Variants in PTPRD observed in about 807,000 individuals in gnomAD.
PTPRD encodes receptor-type tyrosine-protein phosphatase delta.
In PTPRD, 34 loss-of-function variants were observed where a neutral mutation model predicts 214.5. The ratio of observed to expected loss-of-function variants is 0.16; its 90% CI spans 0.12 to 0.21. PTPRD has a LOEUF of 0.21. Ranked by LOEUF, PTPRD falls within the 10% of genes least tolerant of loss-of-function variation. The probability of loss-of-function intolerance (pLI) is 1.00; values close to 1 mark genes in which losing one functional copy is unlikely to be tolerated. For synonymous variants in PTPRD, 1,128 were observed against 845.7 expected (o/e 1.33, Z -5.79); for missense variants, 2,545 against 2,398.7 (o/e 1.06, Z -1.27).
At chr9:8,424,005 A>C (rs571485891) in intron 35 of PTPRD, among the ~76,000 whole-genome samples, 2 of 152,192 alleles carry the variant, frequency 1.3e-5, no homozygotes, top group Admixed American at 1.3e-4. Flanking sequence ...TAATCCTTTC[A>C]TCATCTTCAA....
chr9:10,128,839 G>A (rs1377623560), intron 3 of PTPRD, among the ~76,000 whole-genome samples: 1 of 151,966 alleles, frequency 6.6e-6, no homozygotes, highest in East Asian at 1.9e-4. Flanking sequence ...AAGTCACCTG[G>A]GAGATATTAC....
At chr9:8,764,720 G>A (rs993734411) in intron 11 of PTPRD, among the ~76,000 whole-genome samples, 28 of 151,754 alleles carry the variant, frequency 1.8e-4, no homozygotes, top group African/African-American at 5.8e-4. Context: ...GTTTGAACCC[G>A]GGAGCTGGAG....
intron 43 of PTPRD, among the ~76,000 whole-genome samples, chr9:8,334,079 C>A (rs2131853419): frequency 1.3e-5 from 2 of 152,232 alleles, no homozygotes; most frequent in Admixed American, 1.3e-4. Context: ...GACTCCCACA[C>A]AATAATAATA....
intron 3 of PTPRD, among the ~76,000 whole-genome samples, chr9:10,245,369 G>C (rs1000338031): frequency 6.6e-6 from 1 of 152,078 alleles, no homozygotes; most frequent in Non-Finnish European, 1.5e-5. Flanking sequence ...ATAATTAAGA[G>C]TATTTAATCA....
intron 2 of PTPRD, among the ~76,000 whole-genome samples, 187 bp downstream of exon 2, chr9:10,612,211 A>AAAAC (rs2081204773): frequency 6.7e-6 from 1 of 148,466 alleles, no homozygotes; most frequent in African/African-American, 2.5e-5. Context: ...GCTCTTCCAA[A>AAAAC]AAAAAAAAAA....
intron 2 of PTPRD, among the ~76,000 whole-genome samples, chr9:10,572,161 T>C (rs1388311842): frequency 6.6e-6 from 1 of 152,174 alleles, no homozygotes; most frequent in Non-Finnish European, 1.5e-5. Flanking sequence ...TAAGAACTCA[T>C]GTACCTGCAT....
chr9:8,421,697 A>T (rs777654218), intron 35 of PTPRD, among the ~76,000 whole-genome samples: 9 of 152,134 alleles, frequency 5.9e-5, no homozygotes, highest in Non-Finnish European at 1.2e-4. Flanking sequence ...CAGTGCCCTT[A>T]GTTTCCCTCC....
At chr9:9,839,941 T>G (rs546542234) in intron 5 of PTPRD, among the ~76,000 whole-genome samples, 2 of 152,070 alleles carry the variant, frequency 1.3e-5, no homozygotes, top group Admixed American at 6.6e-5. Flanking sequence ...AGTTGAAAAT[T>G]TGTATATATA....
chr9:8,677,136 A>T (rs757692984), intron 12 of PTPRD, among the ~76,000 whole-genome samples: 1 of 152,228 alleles, frequency 6.6e-6, no homozygotes, highest in Admixed American at 6.5e-5. Flanking sequence ...GAAACACAGA[A>T]CTGATTTTCA....
At chr9:9,534,235 T>C (rs1218311139) in intron 8 of PTPRD, among the ~76,000 whole-genome samples, 2 of 152,148 alleles carry the variant, frequency 1.3e-5, no homozygotes, top group Admixed American at 6.5e-5. Flanking sequence ...AGAAATATTA[T>C]AGATATTCTT....
chr9:8,700,356 G>A (rs2098047330), intron 12 of PTPRD, among the ~76,000 whole-genome samples: 1 of 152,130 alleles, frequency 6.6e-6, no homozygotes, highest in Non-Finnish European at 1.5e-5. Flanking sequence ...TTCCATTTCA[G>A]AACTTTCACA....
At chr9:8,353,222 G>C (rs1010453151) in intron 39 of PTPRD, among the ~76,000 whole-genome samples, 1 of 152,082 alleles carries the variant, frequency 6.6e-6, no homozygotes, top group Admixed American at 6.6e-5. Flanking sequence ...CCTTTTGTTT[G>C]ACTCCTGCAA....
intron 8 of PTPRD, among the ~76,000 whole-genome samples, chr9:9,554,456 T>TAAC (rs1167500472): frequency 6.6e-6 from 1 of 151,916 alleles, no homozygotes; most frequent in African/African-American, 2.4e-5. Flanking sequence ...CACTGGGAGC[T>TAAC]ATTTAGAAAA....
intron 14 of PTPRD, among the ~76,000 whole-genome samples, chr9:8,623,065 C>G (rs1333814915): frequency 6.6e-6 from 1 of 151,850 alleles, no homozygotes; most frequent in Non-Finnish European, 1.5e-5. Context: ...GTGGGAAGAT[C>G]CCTTGAACAT....
intron 2 of PTPRD, among the ~76,000 whole-genome samples, chr9:10,357,913 C>A (rs10959070): frequency 0.24 from 37,058 of 151,958 alleles, 4,635 homozygotes; most frequent in African/African-American, 0.3. Flanking sequence ...AATCAGATGG[C>A]TATTCCAAGC....
intron 12 of PTPRD, among the ~76,000 whole-genome samples, chr9:8,705,421 T>C (rs374314358): frequency 2.0e-5 from 3 of 152,306 alleles, no homozygotes; most frequent in South Asian, 4.1e-4. Flanking sequence ...AACAAAAGTA[T>C]TCTATAATTT....
intron 9 of PTPRD, among the ~76,000 whole-genome samples, chr9:9,210,238 C>A (rs1441042139): frequency 6.6e-6 from 1 of 152,104 alleles, no homozygotes; most frequent in African/African-American, 2.4e-5. Flanking sequence ...AGAGAATTAT[C>A]TCCACAAATA....
intron 3 of PTPRD, among the ~76,000 whole-genome samples, chr9:10,049,109 A>G (rs1405354327): frequency 6.6e-6 from 1 of 152,164 alleles, no homozygotes; most frequent in Non-Finnish European, 1.5e-5. Flanking sequence ...AGAGCATTAG[A>G]GAAAAAAAGC....
chr9:8,414,914 GGAGAGAGAGGGAGGGGGAGAGAGAGAGA>G (rs2093794606), intron 35 of PTPRD, among the ~76,000 whole-genome samples: 1 of 110,402 alleles, frequency 9.1e-6, no homozygotes, highest in Non-Finnish European at 1.8e-5. Context: ...GGAGGGAGGG[GGAGAGAGAGGGAGGGGGAGAGAGAGAGA>G]GAGAGAGAGA....
Sources: allele counts gnomAD v4.1 joint callset (sites outside exome capture counted in the v4.1 genomes callset), GRCh38; gene constraint gnomAD v4.1.1; transcripts MANE v1.5; gene names NCBI Gene and HGNC (gene_info 2026-07-23, HGNC 2026-07-21).